Variants in FN3KRP observed in about 807,000 individuals in gnomAD.
FN3KRP encodes the protein fructosamine 3 kinase related protein.
A neutral mutation model predicts 29.8 loss-of-function variants in FN3KRP; 33 were observed. The observed-to-expected ratio is 1.11, with a 90% confidence interval of 0.84 to 1.48. The LOEUF (loss-of-function observed/expected upper bound fraction) is 1.48, where lower values mean the gene tolerates loss of function less well. FN3KRP is among the 40% of genes most tolerant of loss of function. The pLI is 0.00. For synonymous variants in FN3KRP, 157 were observed against 155.2 expected, an observed-to-expected ratio of 1.01 and a Z score of -0.09; for missense variants, 430 against 402.6, an observed-to-expected ratio of 1.07 and a Z score of -0.58.
chr17:82,723,561 GTGTA>G (rs1283312281), intron 4 of FN3KRP, among the ~76,000 whole-genome samples: 3 of 144,924 alleles, frequency 2.1e-5, no homozygotes, highest in East Asian at 1.9e-4. Flanking sequence ...GTGCGCATAT[GTGTA>G]TGTGTGTGCA....
intron 1 of FN3KRP, 97 bp downstream of exon 1, chr17:82,716,993 G>C: frequency 1.4e-6 from 2 of 1,407,006 alleles, no homozygotes; most frequent in South Asian, 2.8e-5. Flanking sequence ...TCCCGCCGGA[G>C]GCCGTGGGTG....
Position 82,720,273 on chromosome 17 carries a change from C to CA in FN3KRP, c.296dup (p.His99GlnfsTer15), listed in dbSNP as rs767498648. On this transcript the variant is annotated frameshift_variant and splice_region_variant, in exon 3 of 6. Coordinates refer to ENST00000269373, the MANE Select transcript of FN3KRP (RefSeq NM_024619.4). LOFTEE classifies it high-confidence loss of function. Reference sequence around the variant, plus strand: ...AGTTGCTGTCGTTTGATTTGACAGTCATGCTGCAAAGCTTGGAGCCCAGCT... The same window carrying CA: ...AGTTGCTGTCGTTTGATTTGACAGTCAATGCTGCAAAGCTTGGAGCCCAGCT... The CA allele has an allele frequency of 1.9e-6, 3 of 1,613,556 alleles. No homozygotes were observed. In the South Asian group the frequency reaches 3.3e-5, roughly 18 times the overall value.
intron 2 of FN3KRP, 130 bp from the exon 3 acceptor site, chr17:82,720,142 G>A (rs2046788246): frequency 6.5e-6 from 4 of 616,442 alleles, no homozygotes; most frequent in Non-Finnish European, 1.1e-5. Context: ...CTCCAGCCTG[G>A]GTGACAGAGC....
intron 1 of FN3KRP, among the ~76,000 whole-genome samples, chr17:82,717,445 C>T (rs1490377162): frequency 2.0e-5 from 3 of 152,168 alleles, no homozygotes; most frequent in Non-Finnish European, 4.4e-5. Flanking sequence ...TCGGGCCGGG[C>T]GCGGTGGCTC....
chr17:82,717,081 G>A (rs1232370536), intron 1 of FN3KRP, among the ~76,000 whole-genome samples, 185 bp downstream of exon 1: 1 of 152,108 alleles, frequency 6.6e-6, no homozygotes, highest in African/African-American at 2.4e-5. Flanking sequence ...GGCGGCGGAA[G>A]CGTCCGGGGC....
In FN3KRP at chr17:82,720,314, T is replaced by C. The variant is rs2046789605; in HGVS notation, c.336T>C (p.Leu112=). ...GAGCCCAGCTGGCCGATTTACACCT[T>C]GATAACAAGAAGCTTGGAGAGATGC... ...KLGAQLADLH[L]DNKKLGEMRL... The change falls in exon 3 of 6, where the codon CTT becomes CTC. Residue 112 remains leucine (L), a synonymous_variant. Transcript: ENST00000269373. 3.1e-6 allele frequency: 5 copies of C among 1,614,044 alleles called. No homozygotes were observed. Among genetic ancestry groups the C allele is most frequent in the Non-Finnish European group, 4.2e-6 (5 of 1,179,994 alleles).
chr17:82,721,622 C>T (rs1243832741), intron 3 of FN3KRP, among the ~76,000 whole-genome samples: 2 of 151,766 alleles, frequency 1.3e-5, no homozygotes, highest in African/African-American at 2.4e-5. Flanking sequence ...CCTGCCTCAG[C>T]CTCCTAAGTA....
chr17:82,726,045 T>G (rs1345398545), intron 4 of FN3KRP, among the ~76,000 whole-genome samples: 1 of 152,072 alleles, frequency 6.6e-6, no homozygotes, highest in Admixed American at 6.6e-5. Flanking sequence ...CCGGGCGTGG[T>G]GGTGCATGCT....
chr17:82,719,903 G>A (rs966177226), intron 2 of FN3KRP, among the ~76,000 whole-genome samples: 32 of 152,200 alleles, frequency 2.1e-4, no homozygotes, highest in African/African-American at 6.5e-4. Context: ...GGTGGCTCAC[G>A]CCTCTAATCC....
At chr17:82,723,205 G>C (rs990378318) in intron 4 of FN3KRP, among the ~76,000 whole-genome samples, 5 of 152,300 alleles carry the variant, frequency 3.3e-5, no homozygotes, top group Admixed American at 3.3e-4. Flanking sequence ...TTGGTTGTGT[G>C]ATTTTATGGT....
chr17:82,720,378 G>C lies in FN3KRP; in HGVS notation c.385+15G>C. The C allele has an allele frequency of 1.2e-6, 2 of 1,602,924 alleles. No individual in the cohort carries two copies. The highest frequency in any genetic ancestry group is 1.1e-5 in the South Asian group (1 of 90,602). ...GGGCACAGTGGGTATGGCACTGCGC[G>C]GGCCACGGGTGCTCCCGCCTAGAGG... On this transcript the variant is annotated intron_variant, in intron 3 of 5. Coordinates refer to ENST00000269373, the MANE Select transcript of FN3KRP (RefSeq NM_024619.4).
Position 82,727,330 on chromosome 17 carries a change from TC to T in FN3KRP, c.*162del. On this transcript the variant is annotated 3_prime_UTR_variant, in exon 6 of 6. Transcript: ENST00000269373. ...ATATCTAAGAGGAAAGGTTTTGTCA[TC>T]CCAGCGTTGTCCACTTTGTGGGGCT... 1.5e-6 allele frequency: 1 copy of T among 681,938 alleles called. No individual in the cohort carries two copies. Among genetic ancestry groups the T allele is most frequent in the Non-Finnish European group, 2.4e-6 (1 of 416,940 alleles). The allele number at this position is 681,938 out of a possible 1,614,324, so 42.2% of individuals were successfully genotyped here. A position where few individuals can be genotyped will look rare whatever the true frequency, so the allele number is the denominator to read the frequency against.
intron 5 of FN3KRP, 22 bp downstream of exon 5, chr17:82,726,624 G>A: frequency 6.2e-7 from 1 of 1,600,274 alleles, no homozygotes; most frequent in Non-Finnish European, 8.5e-7. Flanking sequence ...CCCACTGCAT[G>A]CCCAGCACCT....
At chr17:82,717,027 GC>G in intron 1 of FN3KRP, 131 bp downstream of exon 1, 1 of 1,141,450 alleles carries the variant, frequency 8.8e-7, no homozygotes, top group Non-Finnish European at 1.2e-6. Context: ...TGCCGCCGCC[GC>G]CCCTTGCGGG....
At chr17:82,723,793 TG>T (rs2046818466) in intron 4 of FN3KRP, among the ~76,000 whole-genome samples, 1 of 152,038 alleles carries the variant, frequency 6.6e-6, no homozygotes, top group African/African-American at 2.4e-5. Context: ...ACCTGTGACC[TG>T]GATGTCCTTT....
rs1187017410 is a variant in FN3KRP at position 82,723,509 on chromosome 17, ATG to A, written c.468+634_468+635del. 1.7e-4 allele frequency among the ~76,000 whole-genome samples: 25 copies of A among 151,018 alleles called. 1 individual carries two copies. Among genetic ancestry groups the A allele is most frequent in the South Asian group, 8.4e-4 (4 of 4,778 alleles). ...GGCTGTACTCACAGTGTGTGTGTGC[ATG>A]TGTGTGTGTGCATATGTGTATTTGT... On this transcript the variant is annotated intron_variant, in intron 4 of 5. Transcript: ENST00000269373.
At chr17:82,725,545 G>A (rs994223318) in intron 4 of FN3KRP, among the ~76,000 whole-genome samples, 2 of 151,982 alleles carry the variant, frequency 1.3e-5, no homozygotes, top group African/African-American at 2.4e-5. Flanking sequence ...CAGCTTCCGG[G>A]TTCAATCAGT....
At chr17:82,723,297 C>T (rs1431747556) in intron 4 of FN3KRP, among the ~76,000 whole-genome samples, 1 of 152,110 alleles carries the variant, frequency 6.6e-6, no homozygotes. Flanking sequence ...GTCCTGTCCT[C>T]GAGAGGAGGG....
rs377092977 is a variant in FN3KRP at position 82,718,986 on chromosome 17, C to A, written c.222C>A (p.Ile74=). Residue 74 remains isoleucine, a synonymous_variant, in exon 2 of 6, where the codon ATC becomes ATA. Transcript: ENST00000269373. ...ACACGGTGAAAGTGCCCAAGCCCAT[C>A]AAGGTTCTGGATGCCCCAGGCGGCG... ...KTNTVKVPKP[I]KVLDAPGGGS... 2.7e-5 allele frequency: 44 copies of A among 1,614,086 alleles called. No individual in the cohort carries two copies. Among genetic ancestry groups the A allele is most frequent in the Non-Finnish European group, 3.7e-5 (44 of 1,180,034 alleles).
Sources: allele counts gnomAD v4.1 joint callset (sites outside exome capture counted in the v4.1 genomes callset), GRCh38; gene constraint gnomAD v4.1.1; transcripts MANE v1.5; gene names NCBI Gene and HGNC (gene_info 2026-07-23, HGNC 2026-07-21).